The following GRM7 variants were observed in gnomAD, a reference collection of about 807,000 sequenced individuals.
GRM7 encodes glutamate metabotropic receptor 7, also known as metabotropic glutamate receptor 7.
GRM7 carries 35 observed loss-of-function variants against 84.5 expected under a neutral mutation model. The ratio of observed to expected loss-of-function variants is 0.41; its 90% CI spans 0.32 to 0.55. The LOEUF (loss-of-function observed/expected upper bound fraction) is 0.55. Ranked by LOEUF, GRM7 falls within the 20% of genes least tolerant of loss-of-function variation. The pLI is 0.19. For synonymous variants in GRM7, 487 were observed against 455.1 expected, an observed-to-expected ratio of 1.07 and a Z score of -0.89; for missense variants, 1,003 against 1,194.6, an observed-to-expected ratio of 0.84 and a Z score of 2.36.
At chr3:7,030,845 G>A (rs1444851348) in intron 1 of GRM7, among the ~76,000 whole-genome samples, 1 of 152,094 alleles carries the variant, frequency 6.6e-6, no homozygotes, top group Admixed American at 6.6e-5. Flanking sequence ...CCATAAAATT[G>A]TCTAACATCT....
chr3:7,061,536 T>C (rs1454488545), intron 1 of GRM7, among the ~76,000 whole-genome samples: 2 of 151,668 alleles, frequency 1.3e-5, no homozygotes, highest in Admixed American at 6.6e-5. Context: ...GATCTGGAAA[T>C]TGTGATAGGA....
chr3:7,135,468 C>T (rs1693741798), intron 1 of GRM7, among the ~76,000 whole-genome samples: 1 of 152,144 alleles, frequency 6.6e-6, no homozygotes, highest in African/African-American at 2.4e-5. Flanking sequence ...TCGCCTTTTA[C>T]AAGTTTTGTG....
At chr3:7,320,428 T>C (rs1700734444) in intron 4 of GRM7, among the ~76,000 whole-genome samples, 2 of 152,040 alleles carry the variant, frequency 1.3e-5, no homozygotes, top group South Asian at 2.1e-4. Context: ...TATGATCTAA[T>C]GGTAATAAAC....
intron 4 of GRM7, among the ~76,000 whole-genome samples, chr3:7,330,967 G>T (rs1701185916): frequency 6.6e-6 from 1 of 152,082 alleles, no homozygotes; most frequent in Admixed American, 6.6e-5. Flanking sequence ...GGCATCTCAT[G>T]AACACCACAT....
chr3:6,934,180 A>C (rs1426102240), intron 1 of GRM7, among the ~76,000 whole-genome samples: 1 of 152,166 alleles, frequency 6.6e-6, no homozygotes, highest in African/African-American at 2.4e-5. Flanking sequence ...TTCACTAGGG[A>C]TTGAAGGCCT....
At chr3:7,706,345 C>A (rs1396609755) in intron 9 of GRM7, among the ~76,000 whole-genome samples, 1 of 151,488 alleles carries the variant, frequency 6.6e-6, no homozygotes, top group Non-Finnish European at 1.5e-5. Flanking sequence ...TATGTATGAC[C>A]CTATGCAGAA....
chr3:7,691,112 C>T (rs1219238969), intron 9 of GRM7: 1 of 457,266 alleles, frequency 2.2e-6, no homozygotes, highest in East Asian at 7.0e-5. Context: ...CAAAGGTAAT[C>T]ATTATTTCTC....
At chr3:7,325,692 G>A (rs137917905) in intron 4 of GRM7, among the ~76,000 whole-genome samples, 1 of 152,092 alleles carries the variant, frequency 6.6e-6, no homozygotes, top group Admixed American at 6.5e-5. Context: ...AACCATTCTG[G>A]TCAAAGGTAA....
intron 2 of GRM7, among the ~76,000 whole-genome samples, chr3:7,193,218 G>A (rs542076403): frequency 6.6e-6 from 1 of 152,220 alleles, no homozygotes; most frequent in South Asian, 2.1e-4. Flanking sequence ...TAGGTAGATA[G>A]CTGAATGAAT....
At chr3:7,183,466 A>T (rs1695412333) in intron 2 of GRM7, among the ~76,000 whole-genome samples, 1 of 152,078 alleles carries the variant, frequency 6.6e-6, no homozygotes, top group Non-Finnish European at 1.5e-5. Flanking sequence ...GTCCCTACTA[A>T]AAATACAAAA....
At chr3:7,415,243 C>G (rs1346221130) in intron 5 of GRM7, 80 bp downstream of exon 5, 1 of 1,215,692 alleles carries the variant, frequency 8.2e-7, no homozygotes, top group East Asian at 2.4e-5. Flanking sequence ...CAGAAGGAAG[C>G]TTGGCTGGAG....
chr3:7,656,521 A>AT (rs1559468432), intron 8 of GRM7, among the ~76,000 whole-genome samples: 166 of 86,738 alleles, frequency 1.9e-3, no homozygotes, highest in African/African-American at 6.6e-3. Flanking sequence ...AAATAAAAAA[A>AT]AATATATATA....
chr3:7,430,624 A>G (rs1696788419), intron 5 of GRM7, among the ~76,000 whole-genome samples: 1 of 152,216 alleles, frequency 6.6e-6, no homozygotes, highest in African/African-American at 2.4e-5. Flanking sequence ...AGAGAAATGA[A>G]AACATATGTC....
intron 7 of GRM7, chr3:7,519,727 A>G (rs1397652396): frequency 6.6e-6 from 1 of 152,234 alleles, no homozygotes; most frequent in Non-Finnish European, 1.5e-5. Flanking sequence ...TAGTAACTTC[A>G]AACAAGACAA....
intron 8 of GRM7, among the ~76,000 whole-genome samples, chr3:7,587,015 A>C (rs1695550325): frequency 6.6e-6 from 1 of 152,244 alleles, no homozygotes; most frequent in South Asian, 2.1e-4. Flanking sequence ...ACAACGAGGC[A>C]TGAGAAAATT....
At chr3:7,270,994 G>C (rs1332079895) in intron 2 of GRM7, among the ~76,000 whole-genome samples, 2 of 152,118 alleles carry the variant, frequency 1.3e-5, no homozygotes, top group African/African-American at 4.8e-5. Context: ...TTTGCAGCCA[G>C]GTCTCTAGAC....
intron 9 of GRM7, among the ~76,000 whole-genome samples, chr3:7,717,965 C>A (rs1388384215): frequency 3.9e-5 from 6 of 152,204 alleles, no homozygotes; most frequent in Admixed American, 2.6e-4. Context: ...TTCTGCCTTA[C>A]AATATTTCCA....
intron 1 of GRM7, among the ~76,000 whole-genome samples, chr3:7,027,536 A>G (rs1286895368): frequency 1.3e-5 from 2 of 152,006 alleles, no homozygotes; most frequent in African/African-American, 4.8e-5. Flanking sequence ...TTAATTACAA[A>G]TTTGCCTTTA....
At chr3:6,974,639 G>T (rs551575040) in intron 1 of GRM7, among the ~76,000 whole-genome samples, 2 of 152,294 alleles carry the variant, frequency 1.3e-5, no homozygotes, top group East Asian at 3.9e-4. Flanking sequence ...TTTCAAGGAA[G>T]AGGTCGTGAT....
Sources: allele counts gnomAD v4.1 joint callset (sites outside exome capture counted in the v4.1 genomes callset), GRCh38; gene constraint gnomAD v4.1.1; transcripts MANE v1.5; gene names NCBI Gene and HGNC (gene_info 2026-07-23, HGNC 2026-07-21).